Variants in KDM1B observed in about 807,000 individuals in gnomAD.
KDM1B encodes the protein lysine-specific histone demethylase 2.
In KDM1B, 63 loss-of-function variants were observed where a neutral mutation model predicts 107.4. The ratio of observed to expected loss-of-function variants is 0.59; its 90% CI spans 0.48 to 0.72. The LOEUF (loss-of-function observed/expected upper bound fraction) is 0.72, where lower values mean the gene tolerates loss of function less well. KDM1B is among the 30% of genes least tolerant of loss of function. The probability of loss-of-function intolerance (pLI) is 0.00; values close to 1 mark genes in which losing one functional copy is unlikely to be tolerated. For missense variants in KDM1B, 749 were observed against 1,020.8 expected, an observed-to-expected ratio of 0.73 and a Z score of 3.63; for synonymous variants, 363 against 363.9, an observed-to-expected ratio of 1.00 and a Z score of 0.03.
At chr6:18,218,645 G>A (rs1279051752) in intron 21 of KDM1B, among the ~76,000 whole-genome samples, 1 of 152,056 alleles carries the variant, frequency 6.6e-6, no homozygotes. Flanking sequence ...CTGTTTTCTT[G>A]GCAATTATAA....
In KDM1B at chr6:18,212,694, T is replaced by C. The variant is rs914040941; in HGVS notation, c.1983+90T>C. On this transcript the variant is annotated intron_variant, in intron 18 of 21. Transcript: ENST00000650836. The surrounding 1 kb of genome is among the most constrained non-coding windows in gnomAD (Gnocchi z 5.2). Reference sequence around the variant, plus strand: ...TGATATGGAGAAGTAGTGGGTACTATCTAAATACAAATAAAACTCAAGGAT... The same window carrying C: ...TGATATGGAGAAGTAGTGGGTACTACCTAAATACAAATAAAACTCAAGGAT... 1 of 810,256 alleles carries C rather than the reference T, an allele frequency of 1.2e-6. No homozygotes were observed. The highest frequency in any genetic ancestry group is 1.4e-5 in the South Asian group (1 of 71,242). 50.2% of individuals were successfully genotyped at this position (810,256 alleles called of 1,614,324 possible). A position where few individuals can be genotyped will look rare whatever the true frequency, so the allele number is the denominator to read the frequency against.
intron 7 of KDM1B, among the ~76,000 whole-genome samples, chr6:18,174,949 C>A (rs1202442921): frequency 6.6e-6 from 1 of 152,176 alleles, no homozygotes; most frequent in African/African-American, 2.4e-5. Context: ...CTGCTATAAA[C>A]ATGCATATGG....
chr6:18,219,191 C>T (rs1227278908), intron 21 of KDM1B, among the ~76,000 whole-genome samples: 1 of 152,188 alleles, frequency 6.6e-6, no homozygotes, highest in African/African-American at 2.4e-5. Context: ...TGTGAGCCAC[C>T]GCGCCTGGCC....
chr6:18,165,343 G>A (rs903438827), intron 5 of KDM1B, among the ~76,000 whole-genome samples: 46 of 150,912 alleles, frequency 3.0e-4, no homozygotes, highest in African/African-American at 9.5e-4. Context: ...TGTTAGCCAG[G>A]ATGGTCTCGA....
chr6:18,180,273 G>A (rs1786368888), intron 7 of KDM1B, among the ~76,000 whole-genome samples: 2 of 152,046 alleles, frequency 1.3e-5, no homozygotes, highest in African/African-American at 4.8e-5. Context: ...GCAGAGGGGA[G>A]CGTGTCCAGC....
rs531303586 is a variant in KDM1B at position 18,182,968 on chromosome 6, A to G, written c.535-2804A>G. On this transcript the variant is annotated intron_variant, in intron 7 of 21. Coordinates refer to ENST00000650836, the MANE Select transcript of KDM1B (RefSeq NM_001364614.2). ...ACTGTGCTTTAGTGAAAAGCTTTCTATCTGTGCTATTTTTGAGTATATTTG... is the reference window on the plus strand; with the variant it reads ...ACTGTGCTTTAGTGAAAAGCTTTCTGTCTGTGCTATTTTTGAGTATATTTG... 2.1e-3 allele frequency among the ~76,000 whole-genome samples: 320 copies of G among 152,322 alleles called. 3 individuals are homozygous for G. The highest frequency in any genetic ancestry group is 7.1e-3 in the African/African-American group (297 of 41,574).
At chr6:18,179,851 T>TAGACA (rs1297671272) in intron 7 of KDM1B, among the ~76,000 whole-genome samples, 1 of 10,556 alleles carries the variant, frequency 9.5e-5, no homozygotes, top group African/African-American at 2.4e-4. Flanking sequence ...TTTTTTTTCC[T>TAGACA]TTTTTTTTTT....
At chr6:18,185,717 C>T (rs939000210) in intron 7 of KDM1B, 55 bp from the exon 8 acceptor site, 10 of 1,457,926 alleles carry the variant, frequency 6.9e-6, no homozygotes, top group Non-Finnish European at 8.7e-6. Context: ...TAAATGGATA[C>T]CTGAGACTAT....
chr6:18,193,248 C>CATAA (rs1011325995), intron 10 of KDM1B, among the ~76,000 whole-genome samples: 2 of 122,040 alleles, frequency 1.6e-5, no homozygotes, highest in Non-Finnish European at 3.5e-5. Flanking sequence ...AGTGGGAAAA[C>CATAA]ATAAATATAT....
Position 18,185,863 on chromosome 6 carries a change from G to C in KDM1B, c.573+53G>C, listed in dbSNP as rs370836186. 310 of 1,525,848 alleles carry C rather than the reference G, an allele frequency of 2.0e-4. 1 individual carries two copies. The highest frequency in any genetic ancestry group is 1.8e-3 in the African/African-American group (135 of 73,134). The allele number at this position is 1,525,848 out of a possible 1,614,324, so 94.5% of individuals were successfully genotyped here. On this transcript the variant is annotated intron_variant, in intron 8 of 21. Transcript: ENST00000650836. ...GGGTTAATTGTGCCTTTGATGATAA[G>C]TGTTACAAGGAAATGATAGTAACAG...
intron 21 of KDM1B, among the ~76,000 whole-genome samples, chr6:18,218,625 A>G (rs568225746): frequency 6.6e-6 from 1 of 152,316 alleles, no homozygotes; most frequent in Non-Finnish European, 1.5e-5. Context: ...ATACCTTCTT[A>G]CACAGTTTTC....
rs1039636114 is a variant in KDM1B, at chr6:18,191,093, G to A, written c.785-104G>A. 64 of 900,310 alleles carry A rather than the reference G, an allele frequency of 7.1e-5. No homozygotes were observed. Among genetic ancestry groups the A allele is most frequent in the Non-Finnish European group, 8.9e-5 (52 of 586,656 alleles). 55.8% of individuals were successfully genotyped at this position (900,310 alleles called of 1,614,324 possible). A position where few individuals can be genotyped will look rare whatever the true frequency, so the allele number is the denominator to read the frequency against. ...CAAAGGTATTTATGTAGGGTAGAGAGTGGAGCTTGTCTAGGCTTACTTTTT... is the reference window on the plus strand; with the variant it reads ...CAAAGGTATTTATGTAGGGTAGAGAATGGAGCTTGTCTAGGCTTACTTTTT... On this transcript the variant is annotated intron_variant, in intron 9 of 21. Transcript: ENST00000650836. This position sits in a 1 kb window ranked among gnomAD's most constrained non-coding sequence, Gnocchi z 5.1.
intron 15 of KDM1B, among the ~76,000 whole-genome samples, chr6:18,206,758 A>C (rs1788402414): frequency 1.3e-5 from 2 of 152,068 alleles, no homozygotes; most frequent in Admixed American, 1.3e-4. Context: ...TGCCCTCTGC[A>C]GAGGGCCTTG....
At chr6:18,160,149 T>C (rs1784881298) in intron 3 of KDM1B, among the ~76,000 whole-genome samples, 167 bp downstream of exon 3, 1 of 152,170 alleles carries the variant, frequency 6.6e-6, no homozygotes, top group Admixed American at 6.6e-5. Context: ...TGATAGAATA[T>C]ACAAAATAGA....
rs968636476 is a variant in KDM1B at position 18,211,033 on chromosome 6, T to C, written c.1867-1455T>C. Among the ~76,000 whole-genome samples the C allele has an allele frequency of 6.6e-6, 1 of 152,152 alleles. No homozygotes were observed. The highest frequency in any genetic ancestry group is 2.4e-5 in the African/African-American group (1 of 41,452). ...GGAAAAAAATCTAGATTTTATTTAT[T>C]TTCTTGCAATTTAATTGGATAGTAA... On this transcript the variant is annotated intron_variant, in intron 17 of 21. Transcript: ENST00000650836. This position sits in a 1 kb window ranked among gnomAD's most constrained non-coding sequence, Gnocchi z 5.2.
In KDM1B at chr6:18,155,928, T is replaced by C. The variant is rs1784563438; in HGVS notation, c.-14+2T>C. 1 of 151,952 alleles carries C rather than the reference T, an allele frequency of 6.6e-6. No homozygotes were observed. The highest frequency in any genetic ancestry group is 1.5e-5 in the Non-Finnish European group (1 of 67,996). 9.4% of individuals were successfully genotyped at this position (151,952 alleles called of 1,614,324 possible). A position where few individuals can be genotyped will look rare whatever the true frequency, so the allele number is the denominator to read the frequency against. On this transcript the variant is annotated splice_donor_variant, in intron 2 of 21. Transcript: ENST00000650836. LOFTEE classifies it low-confidence loss of function (5UTR_SPLICE). This position sits in a 1 kb window ranked among gnomAD's most constrained non-coding sequence, Gnocchi z 6.2. ...TCCCGGCACCTCTTCAGCGCAAAGG[T>C]GAGCCCCGGGGCAGTTGCTTCTCCG...
chr6:18,155,800 AGGGTGTTGGGGCGT>A lies in KDM1B; in HGVS notation c.-57-79_-57-66del, dbSNP rs1784553210. The A allele has an allele frequency of 6.6e-6, 1 of 152,350 alleles. No individual in the cohort carries two copies. Among genetic ancestry groups the A allele is most frequent in the South Asian group, 2.1e-4 (1 of 4,830 alleles). The allele number at this position is 152,350 out of a possible 1,614,324, so 9.4% of individuals were successfully genotyped here. A position where few individuals can be genotyped will look rare whatever the true frequency, so the allele number is the denominator to read the frequency against. The stretch of plus-strand genomic sequence containing the variant: ...CTGAAGAAGGGGGAATTCCCGGGCT[AGGGTGTTGGGGCGT>A]GGGGTCGCCGGGTTCGTCGCGATGT... On this transcript the variant is annotated intron_variant, in intron 1 of 21. Transcript: ENST00000650836. This position sits in a 1 kb window ranked among gnomAD's most constrained non-coding sequence, Gnocchi z 6.2.
chr6:18,207,639 G>A, intron 16 of KDM1B, 110 bp downstream of exon 16: 1 of 1,323,626 alleles, frequency 7.6e-7, no homozygotes, highest in Non-Finnish European at 1.1e-6. Context: ...GTTTAGCCAG[G>A]GTCTAGAAGT....
At position 18,159,781 on chromosome 6, in the gene KDM1B, C is replaced by G; in HGVS notation, c.-13-102C>G. 1.5e-6 allele frequency: 1 copy of G among 653,768 alleles called. No homozygotes were observed. 40.5% of individuals were successfully genotyped at this position (653,768 alleles called of 1,614,324 possible). A position where few individuals can be genotyped will look rare whatever the true frequency, so the allele number is the denominator to read the frequency against. ...AACTGTAGCTTTGTATTTAGGCAATCTGACATACATTCTTACCTACCAAAG... is the reference window on the plus strand; with the variant it reads ...AACTGTAGCTTTGTATTTAGGCAATGTGACATACATTCTTACCTACCAAAG... On this transcript the variant is annotated intron_variant, in intron 2 of 21. Transcript: ENST00000650836. The surrounding 1 kb of genome is among the most constrained non-coding windows in gnomAD (Gnocchi z 4.5).
Sources: gnomAD v4.1 joint callset for allele counts (sites outside exome capture counted in the v4.1 genomes callset) on GRCh38, gnomAD v4.1.1 for gene constraint, Gnocchi (gnomAD v3.1) non-coding constraint, MANE v1.5 for transcripts, NCBI Gene and HGNC (gene_info 2026-07-23, HGNC 2026-07-21) for gene names.